CSMD1: variants seen among roughly 807,000 people sequenced by gnomAD.
CSMD1 encodes the protein CUB and sushi domain-containing protein 1.
A neutral mutation model predicts 417.5 loss-of-function variants in CSMD1; 213 were observed. The observed-to-expected ratio is 0.51, with a 90% CI of 0.46 to 0.57. CSMD1 has a LOEUF of 0.57. Ranked by LOEUF, CSMD1 falls within the 20% of genes least tolerant of loss-of-function variation. CSMD1 has a pLI of 0.00. For missense variants in CSMD1, 6,923 were observed against 4,529.7 expected (o/e 1.53, Z -15.17); for synonymous variants, 2,862 against 1,736.8 (o/e 1.65, Z -16.11).
At chr8:4,448,376 G>T (rs56269412) in intron 2 of CSMD1, among the ~76,000 whole-genome samples, 1 of 152,040 alleles carries the variant, frequency 6.6e-6, no homozygotes, top group African/African-American at 2.4e-5. Flanking sequence ...AATAAAACAC[G>T]CCAGTTGTCC....
chr8:3,308,181 A>C (rs962778598), intron 24 of CSMD1, 131 bp downstream of exon 24: 1 of 709,292 alleles, frequency 1.4e-6, no homozygotes. Flanking sequence ...CAAATCTCAG[A>C]ATACATAAAA....
At chr8:3,866,793 G>T (rs1004751361) in intron 5 of CSMD1, among the ~76,000 whole-genome samples, 30 of 152,082 alleles carry the variant, frequency 2.0e-4, no homozygotes, top group African/African-American at 6.8e-4. Context: ...TTCAATAACG[G>T]CTCACAAATC....
At position 4,013,606 on chromosome 8, in the gene CSMD1, G is replaced by C. The variant is rs75272331; in HGVS notation, c.611-15496C>G. ...TTCAACAGGACAGCAAAGTTTATCT[G>C]TTGCTTCTCATTTGCTTATTTATGT... is the stretch of plus-strand genomic sequence containing the variant. On this transcript the variant is annotated intron_variant, in intron 4 of 69. Transcript: ENST00000635120. 3.4e-3 allele frequency among the ~76,000 whole-genome samples: 519 copies of C among 152,264 alleles called. 1 individual carries two copies. The highest frequency in any genetic ancestry group is 4.8e-3 in the Admixed American group (73 of 15,296).
At chr8:3,198,490 T>TA (rs1420004664) in intron 33 of CSMD1, among the ~76,000 whole-genome samples, 2 of 152,228 alleles carry the variant, frequency 1.3e-5, no homozygotes, top group African/African-American at 4.8e-5. Flanking sequence ...TACATTTTAA[T>TA]AAAAGGTGTA....
chr8:4,818,130 T>G (rs1799311883), intron 1 of CSMD1, among the ~76,000 whole-genome samples: 1 of 152,266 alleles, frequency 6.6e-6, no homozygotes, highest in South Asian at 2.1e-4. Flanking sequence ...GGAAGCCTAC[T>G]CGTAAAATTG....
At chr8:3,725,540 C>T (rs1245163790) in intron 6 of CSMD1, among the ~76,000 whole-genome samples, 1 of 152,066 alleles carries the variant, frequency 6.6e-6, no homozygotes, top group African/African-American at 2.4e-5. Flanking sequence ...GTTTGTGTCC[C>T]TCCCATGAGC....
At chr8:3,602,846 G>T (rs1801428346) in intron 8 of CSMD1, among the ~76,000 whole-genome samples, 1 of 151,856 alleles carries the variant, frequency 6.6e-6, no homozygotes, top group Non-Finnish European at 1.5e-5. Flanking sequence ...GGCTTTTGTT[G>T]ATAATTCATC....
chr8:4,072,962 T>C (rs1799636423), intron 3 of CSMD1, among the ~76,000 whole-genome samples: 2 of 152,210 alleles, frequency 1.3e-5, no homozygotes, highest in Non-Finnish European at 2.9e-5. Flanking sequence ...AAAATTTTGC[T>C]CGTGACATCA....
intron 2 of CSMD1, among the ~76,000 whole-genome samples, chr8:4,562,568 G>C (rs930449614): frequency 1.2e-4 from 18 of 152,210 alleles, no homozygotes; most frequent in African/African-American, 4.1e-4. Flanking sequence ...GAACAAAAAT[G>C]AGCATATCCT....
intron 3 of CSMD1, among the ~76,000 whole-genome samples, chr8:4,384,378 C>T (rs868106332): frequency 6.6e-6 from 1 of 152,112 alleles, no homozygotes; most frequent in African/African-American, 2.4e-5. Context: ...CACTATGAAG[C>T]TACAAAATAT....
chr8:4,049,804 T>G (rs1232988768), intron 3 of CSMD1, among the ~76,000 whole-genome samples: 1 of 151,990 alleles, frequency 6.6e-6, no homozygotes, highest in Non-Finnish European at 1.5e-5. Context: ...CATCTTAGCT[T>G]TGTATGGACA....
At chr8:3,088,576 G>A (rs573365622) in intron 48 of CSMD1, among the ~76,000 whole-genome samples, 3 of 151,958 alleles carry the variant, frequency 2.0e-5, no homozygotes, top group Admixed American at 6.6e-5. Flanking sequence ...ATGTTCCTAC[G>A]AGAAGTGTCC....
intron 6 of CSMD1, among the ~76,000 whole-genome samples, chr8:3,737,310 G>A (rs937310896): frequency 1.3e-5 from 2 of 152,110 alleles, no homozygotes; most frequent in African/African-American, 4.8e-5. Flanking sequence ...CCTTCAGGAG[G>A]CAAAGACAGC....
intron 7 of CSMD1, among the ~76,000 whole-genome samples, chr8:3,653,608 C>A (rs905942625): frequency 2.6e-5 from 4 of 152,134 alleles, no homozygotes; most frequent in Admixed American, 1.3e-4. Context: ...CCTGCCTGGC[C>A]AGTTATGGGG....
chr8:3,344,064 C>T (rs997427223), intron 22 of CSMD1, among the ~76,000 whole-genome samples: 1 of 152,082 alleles, frequency 6.6e-6, no homozygotes, highest in Non-Finnish European at 1.5e-5. Flanking sequence ...GCATTATCTT[C>T]CCAAGCAGTT....
intron 1 of CSMD1, among the ~76,000 whole-genome samples, chr8:4,804,451 G>A (rs945038176): frequency 8.6e-5 from 13 of 150,752 alleles, no homozygotes; most frequent in Admixed American, 6.0e-4. Flanking sequence ...TACAGACTTC[G>A]GTGTAGATTT....
chr8:3,947,105 G>C (rs1257472724), intron 5 of CSMD1, among the ~76,000 whole-genome samples: 1 of 152,118 alleles, frequency 6.6e-6, no homozygotes, highest in Non-Finnish European at 1.5e-5. Flanking sequence ...TTTTGTTTCT[G>C]ATTTTATGAG....
At chr8:3,858,360 T>G (rs1804455925) in intron 5 of CSMD1, among the ~76,000 whole-genome samples, 1 of 152,186 alleles carries the variant, frequency 6.6e-6, no homozygotes, top group Non-Finnish European at 1.5e-5. Flanking sequence ...ATTTCATGCT[T>G]GACCTTGGTT....
intron 5 of CSMD1, among the ~76,000 whole-genome samples, chr8:3,926,673 A>G (rs1809751536): frequency 6.6e-6 from 1 of 151,252 alleles, no homozygotes; most frequent in Non-Finnish European, 1.5e-5. Context: ...TTTATGTGAA[A>G]CACATTTGAA....
Sources: gnomAD v4.1 joint callset for allele counts (sites outside exome capture counted in the v4.1 genomes callset) on GRCh38, gnomAD v4.1.1 for gene constraint, MANE v1.5 for transcripts, NCBI Gene and HGNC (gene_info 2026-07-23, HGNC 2026-07-21) for gene names.